The following IGDCC4 variants were observed in gnomAD, a reference collection of about 807,000 sequenced individuals.
IGDCC4 encodes the protein likely ortholog of mouse neighbor of Punc E11.
A neutral mutation model predicts 116.6 loss-of-function variants in IGDCC4; 72 were observed. That is an observed-to-expected ratio of 0.62 (90% CI 0.51 to 0.75). The LOEUF is 0.75. Among genes scored for constraint, IGDCC4 ranks in the 30% least tolerant of loss-of-function variants. IGDCC4 has a pLI of 0.00. For synonymous variants in IGDCC4, 709 were observed against 719.9 expected (o/e 0.98, Z 0.24); for missense variants, 1,501 against 1,662.4 (o/e 0.90, Z 1.69).
chr15:65,422,871 G>C lies in IGDCC4; in HGVS notation c.-9C>G. 8.9e-7 allele frequency: 1 copy of C among 1,129,528 alleles called. No individual in the cohort carries two copies. The highest frequency in any genetic ancestry group is 4.3e-5 in the South Asian group (1 of 23,484). 70.0% of individuals were successfully genotyped at this position (1,129,528 alleles called of 1,614,324 possible). Reference sequence around the variant, plus strand: ...GCGTCCCCCCGCGCCATGGGGCTGGGCTCGGGCCGCCGCCGCCGCCGCCGC... The same window carrying C: ...GCGTCCCCCCGCGCCATGGGGCTGGCCTCGGGCCGCCGCCGCCGCCGCCGC... On this transcript the variant is annotated 5_prime_UTR_variant, in exon 1 of 20. Coordinates refer to ENST00000352385, the MANE Select transcript of IGDCC4 (RefSeq NM_020962.3).
intron 1 of IGDCC4, among the ~76,000 whole-genome samples, chr15:65,414,070 A>G (rs1221000926): frequency 6.6e-6 from 1 of 152,204 alleles, no homozygotes; most frequent in African/African-American, 2.4e-5. Flanking sequence ...AGTCTCTGCC[A>G]CACTCATCAA....
In IGDCC4 at chr15:65,398,865, G is replaced by A. The variant is rs546972482; in HGVS notation, c.842-1876C>T. On this transcript the variant is annotated intron_variant, in intron 5 of 19. Transcript: ENST00000352385. ...AGATCGCGCCACTGCACTCCAGCCCGGGCGACAGAGCGAGACTCTGTCTCA... is the reference window on the plus strand; with the variant it reads ...AGATCGCGCCACTGCACTCCAGCCCAGGCGACAGAGCGAGACTCTGTCTCA... 3.3e-5 allele frequency among the ~76,000 whole-genome samples: 5 copies of A among 152,280 alleles called. No homozygotes were observed. In the East Asian group the frequency reaches 5.8e-4, roughly 18 times the overall value.
intron 16 of IGDCC4, 60 bp from the exon 17 acceptor site, chr15:65,386,716 A>G: frequency 7.7e-7 from 1 of 1,303,596 alleles, no homozygotes; most frequent in South Asian, 1.3e-5. Context: ...CAGGGCATAG[A>G]TCAGGACTAT....
rs1180884593 is a variant in IGDCC4, at chr15:65,400,819, G to C, written c.828C>G (p.Ser276=). ...VASADPTPFV[S]WVRQDGKPIS... is the part of the protein sequence containing the mutation. ...CCCTCCACTCACCTTGTCGGACCCA[G>C]GACACAAAAGGGGTGGGGTCAGCTG... is the stretch of plus-strand genomic sequence containing the variant. Residue 276 remains serine (S), a synonymous_variant, in exon 5 of 20, where the codon TCC becomes TCG. Transcript: ENST00000352385. 6.2e-7 allele frequency: 1 copy of C among 1,606,304 alleles called. No individual in the cohort carries two copies. Among genetic ancestry groups the C allele is most frequent in the Non-Finnish European group, 8.5e-7 (1 of 1,175,390 alleles).
chr15:65,403,201 C>T (rs924274137), intron 3 of IGDCC4, among the ~76,000 whole-genome samples: 7 of 152,206 alleles, frequency 4.6e-5, no homozygotes, highest in African/African-American at 7.2e-5. Context: ...TGGGTACATT[C>T]GCACAATGGA....
At chr15:65,403,598 A>T (rs186338234) in intron 3 of IGDCC4, among the ~76,000 whole-genome samples, 1 of 152,294 alleles carries the variant, frequency 6.6e-6, no homozygotes, top group East Asian at 1.9e-4. Context: ...TTTTCCCAGG[A>T]TCTCACAGGT....
rs748947003 is a variant in IGDCC4 at position 65,388,449 on chromosome 15, C to T, written c.2845G>A (p.Asp949Asn). ...DVITLQEKLS[D>N]SLDMHSVTGI... ...AACCTGGGCTGCCCTGTGCTCATAC[C>T]TGACAGCTTCTCCTGGAGCGTGATC... Residue 949 changes from aspartate (D) to asparagine (N), a missense_variant and splice_region_variant, in exon 16 of 20, where the codon GAC (aspartate) becomes AAC (asparagine). Around this residue, in one of 3 missense-constraint regions of IGDCC4, gnomAD observed 235 missense variants for 328.0 expected, o/e 0.72. Transcript: ENST00000352385. 6.8e-6 allele frequency: 11 copies of T among 1,613,992 alleles called. No individual in the cohort carries two copies. The African/African-American group carries it at 9.3e-5, about 14-fold the overall frequency.
chr15:65,415,331 G>C (rs2063132708), intron 1 of IGDCC4, among the ~76,000 whole-genome samples: 1 of 152,232 alleles, frequency 6.6e-6, no homozygotes, highest in African/African-American at 2.4e-5. Context: ...AGCAGCTGCT[G>C]GGTATGTCAG....
chr15:65,419,661 G>C (rs1377144228), intron 1 of IGDCC4, among the ~76,000 whole-genome samples: 2 of 152,174 alleles, frequency 1.3e-5, no homozygotes, highest in Non-Finnish European at 2.9e-5. Flanking sequence ...AAAGGGATGG[G>C]GGAGGTGAGG....
At chr15:65,385,380 T>G (rs1595774192) in intron 18 of IGDCC4, 2 of 545,314 alleles carry the variant, frequency 3.7e-6, no homozygotes, top group Non-Finnish European at 6.4e-6. Flanking sequence ...GGGGAGAGGG[T>G]GAGGGAGGAC....
chr15:65,399,008 C>T (rs897026647), intron 5 of IGDCC4, among the ~76,000 whole-genome samples: 3 of 152,204 alleles, frequency 2.0e-5, no homozygotes, highest in Non-Finnish European at 4.4e-5. Flanking sequence ...TCCTTTCCAG[C>T]CCTTCTCTTC....
chr15:65,394,055 C>T (rs1010178223), intron 9 of IGDCC4, among the ~76,000 whole-genome samples: 7 of 152,248 alleles, frequency 4.6e-5, no homozygotes, highest in Non-Finnish European at 7.3e-5. Flanking sequence ...GATGGGAGTA[C>T]AATGGCACGA....
rs1440692374 is a variant in IGDCC4, at chr15:65,384,418, C to T, written c.3344G>A (p.Gly1115Asp). The change falls in exon 20 of 20, where the codon GGC (glycine) becomes GAC (aspartate). Residue 1115 changes from glycine to aspartate, a missense_variant and splice_region_variant. Gly to Asp is a moderately conservative substitution (Grantham distance 94, BLOSUM62 -1). Coordinates refer to ENST00000352385, the MANE Select transcript of IGDCC4 (RefSeq NM_020962.3). The surrounding 1 kb of genome is among the most constrained non-coding windows in gnomAD (Gnocchi z 4.9). ...LQALVYDAIK[G>D]NGRKKSPPAC... The stretch of plus-strand genomic sequence containing the variant: ...TGGGGGTGACTTCTTCCTCCCATTG[C>T]CCTGATCAGAGCAGAGAACACAAAG... 3.3e-6 allele frequency: 5 copies of T among 1,509,292 alleles called. No individual in the cohort carries two copies. The highest frequency in any genetic ancestry group is 4.4e-6 in the Non-Finnish European group (5 of 1,133,918). 93.5% of individuals were successfully genotyped at this position (1,509,292 alleles called of 1,614,324 possible).
chr15:65,419,945 G>T (rs968367223), intron 1 of IGDCC4, among the ~76,000 whole-genome samples: 3 of 152,072 alleles, frequency 2.0e-5, no homozygotes, highest in African/African-American at 7.2e-5. Flanking sequence ...TTTTTTTGTT[G>T]TTGTTGTGTT....
At chr15:65,411,733 G>T (rs2063096271) in intron 1 of IGDCC4, among the ~76,000 whole-genome samples, 1 of 152,218 alleles carries the variant, frequency 6.6e-6, no homozygotes, top group Admixed American at 6.5e-5. Flanking sequence ...CCAATCATAA[G>T]ATGCCACATT....
At chr15:65,400,375 C>T (rs374268091) in intron 5 of IGDCC4, among the ~76,000 whole-genome samples, 2 of 152,316 alleles carry the variant, frequency 1.3e-5, no homozygotes, top group Admixed American at 6.5e-5. Context: ...TGGGGTGGAC[C>T]CAGAGCTTGC....
intron 3 of IGDCC4, among the ~76,000 whole-genome samples, chr15:65,409,342 C>T (rs2063067978): frequency 6.6e-6 from 1 of 152,170 alleles, no homozygotes. Flanking sequence ...CCCACCTCCA[C>T]CAGGACGGGA....
intron 1 of IGDCC4, among the ~76,000 whole-genome samples, chr15:65,412,921 ATCTCTCTCTC>A (rs372790909): frequency 2.8e-5 from 4 of 145,324 alleles, no homozygotes; most frequent in Admixed American, 2.7e-4. Context: ...ACATATATAG[ATCTCTCTCTC>A]TCTCTCTCTC....
At chr15:65,386,777 A>G in intron 16 of IGDCC4, 121 bp from the exon 17 acceptor site, 1 of 695,282 alleles carries the variant, frequency 1.4e-6, no homozygotes, top group Non-Finnish European at 2.4e-6. Flanking sequence ...TCAGATGCTC[A>G]CAATCTTCTG....
Sources: allele counts gnomAD v4.1 joint callset (sites outside exome capture counted in the v4.1 genomes callset), GRCh38; gene constraint gnomAD v4.1.1; regional missense constraint gnomAD v4.1.1; non-coding constraint Gnocchi (gnomAD v3.1); transcripts MANE v1.5; gene names NCBI Gene and HGNC (gene_info 2026-07-23, HGNC 2026-07-21).